Variants in MRE11 observed in about 807,000 individuals in gnomAD.
MRE11 encodes the protein MRE11 double strand break repair nuclease.
MRE11 carries 62 observed loss-of-function variants against 91.7 expected under a neutral mutation model. The ratio of observed to expected loss-of-function variants is 0.68; its 90% CI spans 0.55 to 0.84. MRE11 has a LOEUF of 0.84. MRE11 is among the 40% of genes least tolerant of loss of function. The pLI, the probability that MRE11 is intolerant of heterozygous loss-of-function variation, is 0.00. For missense variants in MRE11, 796 were observed against 852.9 expected (o/e 0.93, Z 0.83); for synonymous variants, 273 against 271.4 (o/e 1.01, Z -0.06).
intron 12 of MRE11, among the ~76,000 whole-genome samples, chr11:94,459,791 T>G (rs1371759372): frequency 6.6e-6 from 1 of 152,102 alleles, no homozygotes; most frequent in Non-Finnish European, 1.5e-5. Flanking sequence ...AGAGGCCTGA[T>G]GGCTAGGATA....
upstream of MRE11, among the ~76,000 whole-genome samples, chr11:94,494,400 G>T: frequency 6.6e-6 from 1 of 152,168 alleles, no homozygotes; most frequent in East Asian, 1.9e-4. Flanking sequence ...AAATAATGTA[G>T]AACTTTTGAA....
intron 16 of MRE11, among the ~76,000 whole-genome samples, chr11:94,441,902 C>T (rs1945789379): frequency 6.9e-6 from 1 of 144,730 alleles, no homozygotes; most frequent in African/African-American, 2.6e-5. Context: ...GTTTGAACCC[C>T]GGGAGGCAGA....
At chr11:94,498,054 C>CTTTTTTTTTTTT, upstream of MRE11, 1 of 1,530,560 alleles carries the variant, frequency 6.5e-7, no homozygotes, top group Non-Finnish European at 8.8e-7. Flanking sequence ...TGAAAGATTT[C>CTTTTTTTTTTTT]TTTTTTTTCT....
chr11:94,494,845 T>TAAA (rs1215687340), upstream of MRE11, among the ~76,000 whole-genome samples: 1 of 152,242 alleles, frequency 6.6e-6, no homozygotes, highest in Non-Finnish European at 1.5e-5. Context: ...TTTGATATAA[T>TAAA]TACAAGTGAA....
In MRE11 at chr11:94,464,023, T is replaced by A. The variant is rs1174297691; in HGVS notation, c.1225+90A>T. ...AAGACATTACAATCATATTAAAACATCTTCCATTATTATGTTACAGTTTTT... is the reference window on the plus strand; with the variant it reads ...AAGACATTACAATCATATTAAAACAACTTCCATTATTATGTTACAGTTTTT... On this transcript the variant is annotated intron_variant, in intron 11 of 19. Coordinates refer to ENST00000323929, the MANE Select transcript of MRE11 (RefSeq NM_005591.4). 8.0e-6 allele frequency: 11 copies of A among 1,379,668 alleles called. No homozygotes were observed. In the East Asian group the frequency reaches 9.4e-5, roughly 12 times the overall value. The allele number at this position is 1,379,668 out of a possible 1,614,324, so 85.5% of individuals were successfully genotyped here.
intron 18 of MRE11, among the ~76,000 whole-genome samples, chr11:94,430,513 G>C (rs527810783): frequency 1.4e-5 from 2 of 144,036 alleles, no homozygotes; most frequent in African/African-American, 5.2e-5. Context: ...ATGGAGTCTC[G>C]CTCTGTCACC....
chr11:94,424,876 C>T (rs769563006), intron 19 of MRE11, among the ~76,000 whole-genome samples: 3 of 152,026 alleles, frequency 2.0e-5, no homozygotes, highest in Non-Finnish European at 4.4e-5. Flanking sequence ...ACCTATGACT[C>T]ATTGGCATTC....
chr11:94,486,327 CA>C (rs1466764292), intron 3 of MRE11, among the ~76,000 whole-genome samples: 1 of 152,210 alleles, frequency 6.6e-6, no homozygotes, highest in East Asian at 1.9e-4. Flanking sequence ...ATTCAGGCCA[CA>C]CAAGGTGATC....
At chr11:94,486,469 CTAGAAGCTCAAAAAA>C (rs1947145583) in intron 3 of MRE11, among the ~76,000 whole-genome samples, 1 of 152,198 alleles carries the variant, frequency 6.6e-6, no homozygotes, top group African/African-American at 2.4e-5. Flanking sequence ...CCTACAGGTT[CTAGAAGCTCAAAAAA>C]TAGCAATCTA....
At chr11:94,464,710 T>C (rs770560330) in intron 10 of MRE11, among the ~76,000 whole-genome samples, 7 of 152,176 alleles carry the variant, frequency 4.6e-5, no homozygotes, top group Non-Finnish European at 8.8e-5. Flanking sequence ...AAGAATCAAA[T>C]CTGTGAGCCT....
chr11:94,461,429 C>T (rs1946410284), intron 11 of MRE11, among the ~76,000 whole-genome samples: 1 of 152,154 alleles, frequency 6.6e-6, no homozygotes, highest in Non-Finnish European at 1.5e-5. Context: ...ACTGCTGGTG[C>T]CTTGTGACGT....
intron 10 of MRE11, 142 bp downstream of exon 10, chr11:94,467,671 A>G (rs1357817959): frequency 1.5e-6 from 1 of 688,518 alleles, no homozygotes; most frequent in Non-Finnish European, 2.6e-6. Context: ...AAATCCTTAT[A>G]TCTTTGTTTT....
chr11:94,507,162 G>A, the MRE11 span, among the ~76,000 whole-genome samples: 1 of 152,020 alleles, frequency 6.6e-6, no homozygotes, highest in Admixed American at 6.6e-5. Context: ...TTCCCTCAAA[G>A]GTAACTATAA....
intron 19 of MRE11, among the ~76,000 whole-genome samples, chr11:94,426,570 A>G (rs1278647801): frequency 6.6e-6 from 1 of 151,834 alleles, no homozygotes; most frequent in African/African-American, 2.4e-5. Flanking sequence ...AGAAGAACTG[A>G]ACAAAACTGA....
rs1214847057 is a variant in MRE11 at position 94,417,905 on chromosome 11, T to C, written c.*2220A>G. 4 of 232,970 alleles carry C rather than the reference T, an allele frequency of 1.7e-5. No homozygotes were observed. The highest frequency in any genetic ancestry group is 8.8e-5 in the African/African-American group (4 of 45,332). The allele number at this position is 232,970 out of a possible 1,614,324, so 14.4% of individuals were successfully genotyped here. A position where few individuals can be genotyped will look rare whatever the true frequency, so the allele number is the denominator to read the frequency against. ...GGAATCTTTAACCTTGTAAATGCAC[T>C]GTTGTATTTTTATGATAGGAAATAA... On this transcript the variant is annotated 3_prime_UTR_variant, in exon 20 of 20. Transcript: ENST00000323929.
the MRE11 span, among the ~76,000 whole-genome samples, chr11:94,511,347 G>A: frequency 1.3e-5 from 2 of 152,170 alleles, no homozygotes; most frequent in Non-Finnish European, 2.9e-5. Flanking sequence ...CCAGCATCAT[G>A]CTTCCTGTAA....
upstream of MRE11, chr11:94,498,534 A>G (rs1343188582): frequency 1.9e-6 from 3 of 1,597,692 alleles, no homozygotes; most frequent in East Asian, 2.2e-5. Flanking sequence ...CAGTCTTAAC[A>G]ATTCTAGTAA....
At chr11:94,491,763 A>T (rs12708333) in intron 2 of MRE11, among the ~76,000 whole-genome samples, 4,820 of 152,244 alleles carry the variant, frequency 0.032, 174 homozygotes, top group African/African-American at 0.084. Flanking sequence ...ATGAATTTTT[A>T]AAAAATCTCT....
chr11:94,426,095 A>C (rs547173541), intron 19 of MRE11, among the ~76,000 whole-genome samples: 2 of 152,314 alleles, frequency 1.3e-5, no homozygotes, highest in African/African-American at 4.8e-5. Context: ...AGTCTAAATA[A>C]ATTCAAAAAA....
Sources: allele counts gnomAD v4.1 joint callset (sites outside exome capture counted in the v4.1 genomes callset), GRCh38; gene constraint gnomAD v4.1.1; transcripts MANE v1.5; gene names NCBI Gene and HGNC (gene_info 2026-07-23, HGNC 2026-07-21).